Variants in CCSER1 observed in about 807,000 individuals in gnomAD.
The protein encoded by CCSER1 is serine-rich coiled-coil domain-containing protein 1.
In CCSER1, 41 loss-of-function variants were observed where a neutral mutation model predicts 82.0. That is an observed-to-expected ratio of 0.50 (90% CI 0.39 to 0.65). CCSER1 has a LOEUF of 0.65. CCSER1 is among the 30% of genes least tolerant of loss of function. The probability of loss-of-function intolerance (pLI) is 0.00; values close to 1 mark genes in which losing one functional copy is unlikely to be tolerated. For missense variants in CCSER1, 1,119 were observed against 1,064.2 expected (o/e 1.05, Z -0.72); for synonymous variants, 414 against 383.9 (o/e 1.08, Z -0.92).
chr4:90,352,276 A>T (rs1337648245), intron 3 of CCSER1, among the ~76,000 whole-genome samples: 3 of 152,152 alleles, frequency 2.0e-5, no homozygotes, highest in African/African-American at 7.2e-5. Flanking sequence ...ATGAGCTGAG[A>T]TTGCGCCACT....
intron 10 of CCSER1, among the ~76,000 whole-genome samples, chr4:91,471,751 C>G (rs1757285298): frequency 6.6e-6 from 1 of 151,786 alleles, no homozygotes; most frequent in Admixed American, 6.6e-5. Flanking sequence ...GTAAAAACAT[C>G]TAAAGAAGGA....
rs544117052 is a variant in CCSER1 at position 90,270,182 on chromosome 4, AC to A, written c.-41-38060del. On this transcript the variant is annotated intron_variant, in intron 1 of 10. Coordinates refer to ENST00000509176, the MANE Select transcript of CCSER1 (RefSeq NM_001145065.2). ...AAACTCATTCTGTAAGGCCAGCATT[AC>A]CTCAATACCAAAACCAGATAAGCAT... 6.1e-4 allele frequency among the ~76,000 whole-genome samples: 93 copies of A among 152,242 alleles called. 1 individual carries two copies. The East Asian group carries it at 0.017, about 27-fold the overall frequency.
chr4:91,309,669 C>T (rs1253101288), intron 10 of CCSER1, among the ~76,000 whole-genome samples: 1 of 151,930 alleles, frequency 6.6e-6, no homozygotes, highest in African/African-American at 2.4e-5. Flanking sequence ...AAGGAACAAC[C>T]AAGGCACTCG....
At chr4:90,467,467 C>T (rs983043484) in intron 4 of CCSER1, among the ~76,000 whole-genome samples, 10 of 151,904 alleles carry the variant, frequency 6.6e-5, no homozygotes, top group South Asian at 4.2e-4. Flanking sequence ...GGGCCGATCT[C>T]GAGGTCAGGA....
At chr4:90,789,796 A>G (rs768994499) in intron 7 of CCSER1, among the ~76,000 whole-genome samples, 13 of 152,144 alleles carry the variant, frequency 8.5e-5, no homozygotes, top group Non-Finnish European at 1.3e-4. Flanking sequence ...GTGGAACTGT[A>G]AGCCCATTAA....
intron 8 of CCSER1, among the ~76,000 whole-genome samples, chr4:90,867,280 C>G (rs574564992): frequency 6.6e-6 from 1 of 152,154 alleles, no homozygotes; most frequent in South Asian, 2.1e-4. Context: ...AAAACAACAG[C>G]TCCACACAGC....
At chr4:90,538,835 G>A (rs537599462) in intron 5 of CCSER1, among the ~76,000 whole-genome samples, 1 of 152,128 alleles carries the variant, frequency 6.6e-6, no homozygotes, top group South Asian at 2.1e-4. Flanking sequence ...ATATAATGGT[G>A]AGGACTTTGT....
chr4:90,652,129 T>C (rs545963993), intron 6 of CCSER1, among the ~76,000 whole-genome samples: 2 of 152,334 alleles, frequency 1.3e-5, no homozygotes, highest in South Asian at 4.1e-4. Context: ...TCAAATTTAA[T>C]ATGCAAAATT....
At chr4:90,485,025 A>C (rs1469750526) in intron 5 of CCSER1, among the ~76,000 whole-genome samples, 4 of 152,320 alleles carry the variant, frequency 2.6e-5, no homozygotes, top group African/African-American at 9.6e-5. Flanking sequence ...GGCTCCATCC[A>C]GTTCGAGCTT....
intron 10 of CCSER1, among the ~76,000 whole-genome samples, chr4:91,150,694 G>C (rs1288788067): frequency 1.3e-5 from 2 of 152,098 alleles, no homozygotes; most frequent in African/African-American, 2.4e-5. Context: ...TAGCATGAAG[G>C]GTTGTTGAAT....
chr4:91,437,701 G>A (rs1754763057), intron 10 of CCSER1, among the ~76,000 whole-genome samples: 3 of 152,226 alleles, frequency 2.0e-5, no homozygotes, highest in Middle Eastern at 3.2e-3. Flanking sequence ...GGAAGCGCAA[G>A]GGGTCAGGGA....
chr4:90,954,775 T>C (rs981530850), intron 9 of CCSER1, among the ~76,000 whole-genome samples: 13 of 111,800 alleles, frequency 1.2e-4, no homozygotes, highest in Non-Finnish European at 6.0e-5. Flanking sequence ...GTTGAGGGTA[T>C]GCAGTACATT....
intron 3 of CCSER1, among the ~76,000 whole-genome samples, chr4:90,387,087 T>C (rs990161749): frequency 6.6e-6 from 1 of 152,174 alleles, no homozygotes; most frequent in African/African-American, 2.4e-5. Flanking sequence ...ACCAGAATTA[T>C]GAGTTCAATA....
intron 10 of CCSER1, among the ~76,000 whole-genome samples, chr4:91,149,479 A>T (rs567495713): frequency 5.3e-5 from 8 of 152,156 alleles, no homozygotes; most frequent in African/African-American, 1.9e-4. Context: ...GCTCTTTAGT[A>T]TAATTAGATC....
intron 1 of CCSER1, among the ~76,000 whole-genome samples, chr4:90,134,707 A>G (rs1300588336): frequency 6.6e-6 from 1 of 152,232 alleles, no homozygotes; most frequent in East Asian, 1.9e-4. Context: ...TTATGAATCT[A>G]GCTTTCCTTC....
At chr4:90,775,836 G>A (rs760162367) in intron 7 of CCSER1, among the ~76,000 whole-genome samples, 2 of 151,544 alleles carry the variant, frequency 1.3e-5, no homozygotes, top group Non-Finnish European at 2.9e-5. Context: ...CGACCACTTT[G>A]GTAGGTAGAG....
chr4:90,551,831 C>CTG (rs1473220995), intron 5 of CCSER1, among the ~76,000 whole-genome samples: 2 of 151,636 alleles, frequency 1.3e-5, no homozygotes, highest in African/African-American at 4.9e-5. Context: ...GTTCATGCTG[C>CTG]TGTGACAAAA....
chr4:91,329,576 C>T (rs1024114668), intron 10 of CCSER1, among the ~76,000 whole-genome samples: 2 of 152,136 alleles, frequency 1.3e-5, no homozygotes, highest in African/African-American at 4.8e-5. Context: ...GATCAAGGTG[C>T]TAGCAGATCA....
At chr4:91,014,720 C>T (rs889881279) in intron 9 of CCSER1, among the ~76,000 whole-genome samples, 1 of 152,180 alleles carries the variant, frequency 6.6e-6, no homozygotes, top group Non-Finnish European at 1.5e-5. Context: ...CTACTTCACA[C>T]ATAATCTTAA....
Sources: gnomAD v4.1 joint callset for allele counts (sites outside exome capture counted in the v4.1 genomes callset) on GRCh38, gnomAD v4.1.1 for gene constraint, MANE v1.5 for transcripts, NCBI Gene and HGNC (gene_info 2026-07-23, HGNC 2026-07-21) for gene names.